ERCC5: variants seen among roughly 807,000 people sequenced by gnomAD.
The protein encoded by ERCC5 is DNA excision repair protein ERCC-5.
A neutral mutation model predicts 105.6 loss-of-function variants in ERCC5; 68 were observed. That is an observed-to-expected ratio of 0.64 (90% confidence interval 0.53 to 0.79). The LOEUF (loss-of-function observed/expected upper bound fraction) is 0.79. Ranked by LOEUF, ERCC5 falls within the 30% of genes least tolerant of loss-of-function variation. ERCC5 has a pLI of 0.00. For synonymous variants in ERCC5, 546 were observed against 526.2 expected (o/e 1.04, Z -0.51); for missense variants, 1,373 against 1,426.7 (o/e 0.96, Z 0.61).
intron 1 of ERCC5, chr13:102,849,498 G>A (rs1475286704): frequency 2.0e-6 from 1 of 505,358 alleles, no homozygotes; most frequent in South Asian, 1.4e-5. Flanking sequence ...AAATATTATA[G>A]AAATAAGCAT....
Position 102,873,358 on chromosome 13 carries a change from C to T in ERCC5, c.2964+15C>T. 6.2e-7 allele frequency: 1 copy of T among 1,614,014 alleles called. No homozygotes were observed. Among genetic ancestry groups the T allele is most frequent in the Admixed American group, 1.7e-5 (1 of 60,020 alleles). On this transcript the variant is annotated intron_variant, in intron 14 of 14. Coordinates refer to ENST00000652225, the MANE Select transcript of ERCC5 (RefSeq NM_000123.4). ...ATGCCCAGCAGGTAATCATGGTGGACCCTTCTCCTAAGTTCAGGATGAAGG... is the reference window on the plus strand; with the variant it reads ...ATGCCCAGCAGGTAATCATGGTGGATCCTTCTCCTAAGTTCAGGATGAAGG...
At chr13:102,858,569 GTA>G in intron 6 of ERCC5, 151 bp downstream of exon 6, 1 of 1,225,248 alleles carries the variant, frequency 8.2e-7, no homozygotes, top group Non-Finnish European at 1.2e-6. Context: ...AAGAAGCATC[GTA>G]TATTTATACG....
intron 1 of ERCC5, chr13:102,849,222 G>A (rs755853036): frequency 5.8e-6 from 3 of 518,844 alleles, no homozygotes; most frequent in South Asian, 1.4e-5. Flanking sequence ...TCTTCTCGTG[G>A]TCTCCACCAC....
Position 102,875,296 on chromosome 13 carries a change from T to A in ERCC5, c.2965-11T>A, listed in dbSNP as rs1021606139. ...TGATTTATTATTATTATTCTTTTGT[T>A]ATTTTTTTAGACACAGCTCCGAATT... On this transcript the variant is annotated splice_polypyrimidine_tract_variant and intron_variant, in intron 14 of 14. Coordinates refer to ENST00000652225, the MANE Select transcript of ERCC5 (RefSeq NM_000123.4). 21 of 1,612,546 alleles carry A rather than the reference T, an allele frequency of 1.3e-5. No homozygotes were observed. In the South Asian group the frequency reaches 2.2e-4, roughly 17 times the overall value.
intron 3 of ERCC5, 105 bp downstream of exon 3, chr13:102,853,977 G>A: frequency 8.9e-7 from 1 of 1,120,208 alleles, no homozygotes; most frequent in Non-Finnish European, 1.3e-6. Context: ...ACTCTCAACA[G>A]AAAATAGAGA....
chr13:102,865,695 T>G lies in ERCC5; in HGVS notation c.1983T>G (p.Ile661Met). The part of the protein sequence containing the change: ...DGSFIEVQSV[I>M]SDEELQAEFP... ...GTTTCATTGAAGTGCAAAGTGTGAT[T>G]AGTGATGAGGAACTTCAAGCAGAAT... The change falls in exon 9 of 15, where the codon ATT becomes ATG. Residue 661 changes from isoleucine (I) to methionine (M), a missense_variant. Physicochemically the swap from Ile to Met is conservative, Grantham distance 10. Coordinates refer to ENST00000652225, the MANE Select transcript of ERCC5 (RefSeq NM_000123.4). This position sits in a 1 kb window ranked among gnomAD's most constrained non-coding sequence, Gnocchi z 4.0. 1 of 1,613,890 alleles carries G rather than the reference T, an allele frequency of 6.2e-7. No individual in the cohort carries two copies.
chr13:102,846,513 C>G (rs1881969743), intron 1 of ERCC5, among the ~76,000 whole-genome samples, 159 bp downstream of exon 1: 1 of 152,116 alleles, frequency 6.6e-6, no homozygotes, highest in Non-Finnish European at 1.5e-5. Flanking sequence ...TAAGTACAGT[C>G]GTCCCTCGGT....
rs548165739 is a variant in ERCC5 at position 102,862,227 on chromosome 13, G to C, written c.1078G>C (p.Glu360Gln). ...CCTGCTGGGAAGTAGCTCAGAAGAG[G>C]AGCTGGAGAGTGAAAATCGAAGGCA... ...AALLGSSSEE[E>Q]LESENRRQAR... Residue 360 changes from glutamate (E) to glutamine (Q), a missense_variant, in exon 8 of 15, where the codon GAG becomes CAG. Transcript: ENST00000652225. The C allele has an allele frequency of 1.1e-5, 18 of 1,614,158 alleles. No homozygotes were observed. The South Asian group carries it at 1.9e-4, about 17-fold the overall frequency.
intron 10 of ERCC5, 56 bp downstream of exon 10, chr13:102,866,437 T>C (rs530712515): frequency 2.5e-6 from 4 of 1,613,510 alleles, no homozygotes; most frequent in South Asian, 1.1e-5. Flanking sequence ...CCTGGGGGAA[T>C]GCACTGCATG....
At chr13:102,871,128 C>T (rs1051158098) in intron 12 of ERCC5, among the ~76,000 whole-genome samples, 1 of 152,152 alleles carries the variant, frequency 6.6e-6, no homozygotes, top group African/African-American at 2.4e-5. Flanking sequence ...AGATGGCTCG[C>T]GGGGCTGATG....
At chr13:102,875,218 G>A in intron 14 of ERCC5, 89 bp from the exon 15 acceptor site, 1 of 1,404,048 alleles carries the variant, frequency 7.1e-7, no homozygotes, top group Non-Finnish European at 9.9e-7. Context: ...AATCCAATGT[G>A]AGTGATCAAG....
Position 102,862,968 on chromosome 13 carries a change from A to C in ERCC5, c.1819A>C (p.Asn607His). 2.5e-6 allele frequency: 4 copies of C among 1,614,252 alleles called. No homozygotes were observed. In the South Asian group the frequency reaches 4.4e-5, roughly 18 times the overall value. Residue 607 changes from asparagine (N) to histidine (H), a missense_variant, in exon 8 of 15, where the codon AAT becomes CAT. Physicochemically the swap from Asn to His is moderately conservative, Grantham distance 68 (BLOSUM62 1). This residue lies in a region of ERCC5 where 1,004 missense variants were observed against 1,059.7 expected (regional missense o/e 0.95). Coordinates refer to ENST00000652225, the MANE Select transcript of ERCC5 (RefSeq NM_000123.4). ...VDNVENVVSFNAKEHENFLET... is the reference protein window; with the variant it reads ...VDNVENVVSFHAKEHENFLET... ...TAATGTGGAAAATGTGGTGTCATTT[A>C]ATGCTAAAGAGCATGAGAATTTTCT...
rs1227524051 is a variant in ERCC5, at chr13:102,856,091, GA to G, written c.509del (p.Asn170IlefsTer17). 3.1e-6 allele frequency: 5 copies of G among 1,613,756 alleles called. No individual in the cohort carries two copies. Among genetic ancestry groups the G allele is most frequent in the Non-Finnish European group, 4.2e-6 (5 of 1,179,862 alleles). On this transcript the variant is annotated frameshift_variant, in exon 5 of 15. Transcript: ENST00000652225. LOFTEE classifies it high-confidence loss of function. ...EDEKEWQERM[N>X]QKQALQEEFF... ...ATGAAAAAGAATGGCAAGAAAGAAT[GA>G]ATCAAAAACAAGCATTACAGGTATT...
At position 102,873,314 on chromosome 13, in the gene ERCC5, C is replaced by T. The variant is rs1352910669; in HGVS notation, c.2935C>T (p.Pro979Ser). The T allele has an allele frequency of 1.2e-6, 2 of 1,613,912 alleles. No individual in the cohort carries two copies. Among genetic ancestry groups the T allele is most frequent in the Admixed American group, 3.3e-5 (2 of 60,004 alleles). Residue 979 changes from proline (P) to serine (S), a missense_variant, in exon 14 of 15, where the codon CCT (proline) becomes TCT (serine). Physicochemically the swap from Pro to Ser is moderately conservative, Grantham distance 74. Transcript: ENST00000652225. ...NRTKTDESLF[P>S]VLKQLDAQQT... ...AACGAAGACAGATGAATCTCTGTTT[C>T]CTGTATTAAAGCAACTCGATGCCCA... is the stretch of plus-strand genomic sequence containing the variant.
At position 102,862,540 on chromosome 13, in the gene ERCC5, G is replaced by A. The variant is rs1566468897; in HGVS notation, c.1391G>A (p.Gly464Glu). The stretch of plus-strand genomic sequence containing the variant: ...GAGCACGTAGCCAGCACTAATGAGG[G>A]GAGAGAGCCCACAGACTCAGTTCCA... Reference protein sequence around the residue: ...AEEHVASTNEGREPTDSVPKE... With the variant: ...AEEHVASTNEEREPTDSVPKE... The change falls in exon 8 of 15, where the codon GGG becomes GAG. Residue 464 changes from glycine to glutamate, a missense_variant. By Grantham distance (98) the Gly-to-Glu change is moderately conservative (BLOSUM62 -2). This residue lies in a region of ERCC5 where 1,004 missense variants were observed against 1,059.7 expected (regional missense o/e 0.95). Coordinates refer to ENST00000652225, the MANE Select transcript of ERCC5 (RefSeq NM_000123.4). 6.2e-6 allele frequency: 10 copies of A among 1,614,124 alleles called. No homozygotes were observed. The highest frequency in any genetic ancestry group is 5.0e-5 in the Admixed American group (3 of 60,022).
intron 12 of ERCC5, among the ~76,000 whole-genome samples, chr13:102,869,599 G>A (rs535872895): frequency 3.9e-5 from 6 of 152,066 alleles, no homozygotes; most frequent in African/African-American, 1.4e-4. Context: ...TATTATCAAC[G>A]ATGATATAGA....
At chr13:102,854,444 T>C in intron 4 of ERCC5, 70 bp downstream of exon 4, 1 of 1,449,888 alleles carries the variant, frequency 6.9e-7, no homozygotes, top group East Asian at 2.4e-5. Context: ...AACCTTGATG[T>C]GTTATCTACA....
rs748164726 is a variant in ERCC5 at position 102,865,835 on chromosome 13, A to G, written c.2123A>G (p.Asp708Gly). ...ESLLRDNSER[D>G]DVDGEPQEAE... ...CTCCTGAGGGACAACTCTGAGAGGG[A>G]CGACGTGGATGGTGAGCCACAGGAA... Residue 708 changes from aspartate (D) to glycine (G), a missense_variant, in exon 9 of 15, where the codon GAC becomes GGC. Asp to Gly is a moderately conservative substitution (Grantham distance 94). This residue lies in a region of ERCC5 where 1,004 missense variants were observed against 1,059.7 expected (regional missense o/e 0.95). Coordinates refer to ENST00000652225, the MANE Select transcript of ERCC5 (RefSeq NM_000123.4). The surrounding 1 kb of genome is among the most constrained non-coding windows in gnomAD (Gnocchi z 4.0). 6 of 1,614,076 alleles carry G rather than the reference A, an allele frequency of 3.7e-6. No homozygotes were observed. In the African/African-American group the frequency reaches 8.0e-5, roughly 22 times the overall value.
At chr13:102,846,474 C>T (rs1881967185) in intron 1 of ERCC5, 120 bp downstream of exon 1, 1 of 869,588 alleles carries the variant, frequency 1.1e-6, no homozygotes, top group Non-Finnish European at 1.9e-6. Context: ...GGGTCGGGGT[C>T]GCTATAGAAT....
Sources: allele counts gnomAD v4.1 joint callset (sites outside exome capture counted in the v4.1 genomes callset), GRCh38; gene constraint gnomAD v4.1.1; regional missense constraint gnomAD v4.1.1; non-coding constraint Gnocchi (gnomAD v3.1); transcripts MANE v1.5; gene names NCBI Gene and HGNC (gene_info 2026-07-23, HGNC 2026-07-21).